The following VAV2 variants were observed in gnomAD, a reference collection of about 807,000 sequenced individuals.
VAV2 encodes guanine nucleotide exchange factor VAV2.
Under a neutral mutation model 132.5 loss-of-function variants are expected in VAV2, and 67 were observed. The observed-to-expected ratio is 0.51, with a 90% CI of 0.42 to 0.62. The LOEUF (loss-of-function observed/expected upper bound fraction) is 0.62, where lower values mean the gene tolerates loss of function less well. Ranked by LOEUF, VAV2 falls within the 20% of genes least tolerant of loss-of-function variation. The probability of loss-of-function intolerance (pLI) is 0.00; values close to 1 mark genes in which losing one functional copy is unlikely to be tolerated. For missense variants in VAV2, 938 were observed against 1,153.6 expected (o/e 0.81, Z 2.71); for synonymous variants, 492 against 443.5 (o/e 1.11, Z -1.37).
chr9:133,983,826 G>A (rs1407061527), intron 1 of VAV2, among the ~76,000 whole-genome samples: 1 of 114,484 alleles, frequency 8.7e-6, no homozygotes, highest in Non-Finnish European at 1.7e-5. Flanking sequence ...CCCGGCTCCT[G>A]CCCAGCAGGA....
intron 3 of VAV2, among the ~76,000 whole-genome samples, chr9:133,859,389 G>A (rs961323842): frequency 4.6e-5 from 7 of 152,190 alleles, no homozygotes; most frequent in Non-Finnish European, 4.4e-5. Flanking sequence ...CAGGAGAGGG[G>A]ATAGGGCTGT....
At chr9:133,899,094 TA>T (rs1161731015) in intron 2 of VAV2, among the ~76,000 whole-genome samples, 4 of 151,884 alleles carry the variant, frequency 2.6e-5, no homozygotes, top group African/African-American at 9.7e-5. Flanking sequence ...GTGCTGGGAT[TA>T]CAGGCGTGAG....
chr9:133,980,353 C>T (rs990425105), intron 1 of VAV2, among the ~76,000 whole-genome samples: 1 of 152,226 alleles, frequency 6.6e-6, no homozygotes, highest in Non-Finnish European at 1.5e-5. Context: ...GAGCCGCCCC[C>T]ACCTGGTGCT....
intron 18 of VAV2, 64 bp downstream of exon 18, chr9:133,784,253 C>T: frequency 6.5e-7 from 1 of 1,532,310 alleles, no homozygotes; most frequent in Non-Finnish European, 9.0e-7. Flanking sequence ...GAACACTAAG[C>T]TCTCTCAGGG....
At chr9:133,902,416 G>T (rs557395548) in intron 2 of VAV2, among the ~76,000 whole-genome samples, 1 of 152,210 alleles carries the variant, frequency 6.6e-6, no homozygotes, top group Admixed American at 6.5e-5. Flanking sequence ...TGCGGAGCCT[G>T]AAATGCGGCC....
intron 2 of VAV2, among the ~76,000 whole-genome samples, chr9:133,934,916 C>T (rs1444889825): frequency 6.6e-6 from 1 of 152,172 alleles, no homozygotes; most frequent in Non-Finnish European, 1.5e-5. Context: ...CTCCTTTCAG[C>T]CCTGAATGCT....
chr9:133,904,597 G>C (rs912325833), intron 2 of VAV2, among the ~76,000 whole-genome samples: 5 of 152,264 alleles, frequency 3.3e-5, no homozygotes, highest in African/African-American at 1.2e-4. Context: ...AGGCATGCAG[G>C]CATGCAGCAC....
intron 1 of VAV2, among the ~76,000 whole-genome samples, chr9:133,978,839 G>A (rs1842598791): frequency 6.6e-6 from 1 of 152,254 alleles, no homozygotes; most frequent in African/African-American, 2.4e-5. Flanking sequence ...GGATTCAGAA[G>A]CCAAACAGCG....
intron 1 of VAV2, among the ~76,000 whole-genome samples, chr9:133,955,584 TCCC>T (rs1378949422): frequency 1.0e-4 from 1 of 9,598 alleles, no homozygotes; most frequent in Admixed American, 1.3e-3. Flanking sequence ...TTCTCCCCAC[TCCC>T]CCCATGATCC....
In VAV2 at chr9:133,770,404, G is replaced by A. The variant is rs1833580009; in HGVS notation, c.2321C>T (p.Ala774Val). 1 of 1,613,994 alleles carries A rather than the reference G, an allele frequency of 6.2e-7. No homozygotes were observed. The highest frequency in any genetic ancestry group is 8.5e-7 in the Non-Finnish European group (1 of 1,179,982). Residue 774 changes from alanine to valine, a missense_variant, in exon 27 of 30, where the codon GCC (alanine) becomes GTC (valine). By Grantham distance (64) the Ala-to-Val change is moderately conservative (BLOSUM62 0). Coordinates refer to ENST00000371850, the MANE Select transcript of VAV2 (RefSeq NM_001134398.2). ...KYPYKSRERS[A>V]SRASSRSPAS... is the part of the protein sequence containing the mutation. Reference sequence around the variant, plus strand: ...TGGGGACCGGCTGGAGGCCCTGGAGGCCGAACGTTCCCGGGACTTGTAGGG... The same window carrying A: ...TGGGGACCGGCTGGAGGCCCTGGAGACCGAACGTTCCCGGGACTTGTAGGG...
At position 133,926,392 on chromosome 9, in the gene VAV2, C is replaced by G. The variant is rs552251311; in HGVS notation, c.321+12711G>C. On this transcript the variant is annotated intron_variant, in intron 2 of 29. Transcript: ENST00000371850. This position sits in a 1 kb window ranked among gnomAD's most constrained non-coding sequence, Gnocchi z 4.3. ...AGGGCGCCAGCCCCCGGCAGCCCAGCAGGTGCTAAGTTATTATTACTAATT... is the reference window on the plus strand; with the variant it reads ...AGGGCGCCAGCCCCCGGCAGCCCAGGAGGTGCTAAGTTATTATTACTAATT... 4 of 152,496 alleles carry G rather than the reference C, an allele frequency of 2.6e-5. No homozygotes were observed. The highest frequency in any genetic ancestry group is 9.6e-5 in the African/African-American group (4 of 41,560). 9.4% of individuals were successfully genotyped at this position (152,496 alleles called of 1,614,324 possible).
In VAV2 at chr9:133,840,268, C is replaced by G. The variant is rs917187492; in HGVS notation, c.381-5928G>C. Among the ~76,000 whole-genome samples, 4 of 152,170 alleles carry G rather than the reference C, an allele frequency of 2.6e-5. No homozygotes were observed. The highest frequency in any genetic ancestry group is 4.8e-5 in the African/African-American group (2 of 41,424). Reference sequence around the variant, plus strand: ...GAAGCAGAGTTTCCCACTGCACCGCCGAGGGGACGAAGCAGATGTCCGCAC... The same window carrying G: ...GAAGCAGAGTTTCCCACTGCACCGCGGAGGGGACGAAGCAGATGTCCGCAC... On this transcript the variant is annotated intron_variant, in intron 3 of 29. Transcript: ENST00000371850. This position sits in a 1 kb window ranked among gnomAD's most constrained non-coding sequence, Gnocchi z 4.5.
chr9:133,892,771 G>C (rs1839029944), intron 2 of VAV2, among the ~76,000 whole-genome samples: 1 of 152,160 alleles, frequency 6.6e-6, no homozygotes, highest in Admixed American at 6.5e-5. Context: ...GCAAGAGGAG[G>C]GGCGAATCCG....
rs1841977198 is a variant in VAV2, at chr9:133,961,886, C to T, written c.205-22667G>A. On this transcript the variant is annotated intron_variant, in intron 1 of 29. Coordinates refer to ENST00000371850, the MANE Select transcript of VAV2 (RefSeq NM_001134398.2). The surrounding 1 kb of genome is among the most constrained non-coding windows in gnomAD (Gnocchi z 4.1). ...GGAGACCCTCACCGTGAGCCTCATC[C>T]ACCCAGAGGGTGCCCCCACCCTGAC... 6.6e-6 allele frequency among the ~76,000 whole-genome samples: 1 copy of T among 152,128 alleles called. No homozygotes were observed. Among genetic ancestry groups the T allele is most frequent in the African/African-American group, 2.4e-5 (1 of 41,440 alleles).
chr9:133,819,475 A>C (rs1835702594), intron 4 of VAV2, among the ~76,000 whole-genome samples: 1 of 152,076 alleles, frequency 6.6e-6, no homozygotes, highest in Admixed American at 6.6e-5. Context: ...TGAGCAACCA[A>C]AAACACTAGA....
chr9:133,872,465 G>A (rs1838095000), intron 2 of VAV2, among the ~76,000 whole-genome samples: 1 of 151,128 alleles, frequency 6.6e-6, no homozygotes, highest in South Asian at 2.1e-4. Flanking sequence ...AGCTACACTG[G>A]CCCAGCTGCC....
At chr9:133,861,240 C>A in intron 3 of VAV2, 134 bp downstream of exon 3, 1 of 1,014,152 alleles carries the variant, frequency 9.9e-7, no homozygotes, top group South Asian at 2.2e-5. Context: ...GGTTACGCGA[C>A]AACACGCTGC....
intron 3 of VAV2, among the ~76,000 whole-genome samples, chr9:133,844,859 TGCAGGTCA>T (rs1391462679): frequency 3.3e-5 from 5 of 152,244 alleles, no homozygotes; most frequent in Non-Finnish European, 7.3e-5. Flanking sequence ...ACTCCAGGCC[TGCAGGTCA>T]GCACTCTCTG....
Position 133,780,702 on chromosome 9 carries a change from CAGG to C in VAV2, c.1729_1731del (p.Pro577del), listed in dbSNP as rs1355439080. On this transcript the variant is annotated inframe_deletion, in exon 20 of 30. Transcript: ENST00000371850. ...ACACTCTGGGGACTTACCAGATCTG[CAGG>C]AGAAGCTGGAAAGGAAGCAGGTCAG... The C allele has an allele frequency of 3.9e-6, 5 of 1,272,026 alleles. No homozygotes were observed. In the South Asian group the frequency reaches 9.8e-5, roughly 25 times the overall value. 78.8% of individuals were successfully genotyped at this position (1,272,026 alleles called of 1,614,324 possible).
Sources: gnomAD v4.1 joint callset for allele counts (sites outside exome capture counted in the v4.1 genomes callset) on GRCh38, gnomAD v4.1.1 for gene constraint, Gnocchi (gnomAD v3.1) non-coding constraint, MANE v1.5 for transcripts, NCBI Gene and HGNC (gene_info 2026-07-23, HGNC 2026-07-21) for gene names.